Variants in ROBO1 observed in about 807,000 individuals in gnomAD.
ROBO1 encodes roundabout homolog 1.
Under a neutral mutation model 195.9 loss-of-function variants are expected in ROBO1, and 149 were observed. The ratio of observed to expected loss-of-function variants is 0.76; its 90% CI spans 0.67 to 0.87. The LOEUF (loss-of-function observed/expected upper bound fraction) is 0.87, where lower values mean the gene tolerates loss of function less well. Among genes scored for constraint, ROBO1 ranks in the 40% least tolerant of loss-of-function variants. The pLI is 0.00. For synonymous variants in ROBO1, 816 were observed against 733.2 expected (o/e 1.11, Z -1.82); for missense variants, 1,933 against 2,068.3 (o/e 0.93, Z 1.27).
chr3:79,044,138 A>AG (rs2078543217), intron 3 of ROBO1, among the ~76,000 whole-genome samples: 2 of 151,792 alleles, frequency 1.3e-5, no homozygotes, highest in East Asian at 3.9e-4. Flanking sequence ...AAAAAAAAAA[A>AG]AAATCGCAAA....
Position 79,326,024 on chromosome 3 carries a change from G to A in ROBO1, c.89-200485C>T, listed in dbSNP as rs568566609. Among the ~76,000 whole-genome samples the A allele has an allele frequency of 3.9e-5, 6 of 152,212 alleles. No individual in the cohort carries two copies. In the East Asian group the frequency reaches 5.8e-4, roughly 15 times the overall value. On this transcript the variant is annotated intron_variant, in intron 2 of 30. Coordinates refer to ENST00000464233, the MANE Select transcript of ROBO1 (RefSeq NM_002941.4). Reference sequence around the variant, plus strand: ...CTGGGTGTGGCCGTCTACTATGGTCGAGGCTGTAGGGGTGAAATAGACCCC... The same window carrying A: ...CTGGGTGTGGCCGTCTACTATGGTCAAGGCTGTAGGGGTGAAATAGACCCC...
chr3:78,656,437 G>A (rs981919619), intron 18 of ROBO1, among the ~76,000 whole-genome samples: 5 of 141,720 alleles, frequency 3.5e-5, no homozygotes, highest in South Asian at 2.3e-4. Context: ...TGCAAGCTCC[G>A]CCTCCCAGGT....
chr3:78,836,512 C>CAAAAAAAAAAAAA (rs370559968), intron 4 of ROBO1, among the ~76,000 whole-genome samples: 1 of 122,398 alleles, frequency 8.2e-6, no homozygotes, highest in African/African-American at 3.3e-5. Context: ...ACTCTGTCTC[C>CAAAAAAAAAAAAA]AAAAAAAAAA....
chr3:79,181,130 A>C (rs1246656308), intron 2 of ROBO1, among the ~76,000 whole-genome samples: 1 of 152,074 alleles, frequency 6.6e-6, no homozygotes, highest in Non-Finnish European at 1.5e-5. Flanking sequence ...CCAGAATATA[A>C]ATATGTTTAG....
At chr3:79,194,069 A>G (rs1474278731) in intron 2 of ROBO1, among the ~76,000 whole-genome samples, 1 of 151,672 alleles carries the variant, frequency 6.6e-6, no homozygotes, top group Non-Finnish European at 1.5e-5. Flanking sequence ...CCATTTCCTA[A>G]ATAAATACGT....
At chr3:79,101,693 T>C (rs1459440669) in intron 3 of ROBO1, among the ~76,000 whole-genome samples, 1 of 151,924 alleles carries the variant, frequency 6.6e-6, no homozygotes, top group Non-Finnish European at 1.5e-5. Context: ...TGAAGTTGGA[T>C]AGCTATAAAT....
In ROBO1 at chr3:79,551,938, G is replaced by A. The variant is rs1942527513; in HGVS notation, c.88+37886C>T. 5.0e-5 allele frequency among the ~76,000 whole-genome samples: 6 copies of A among 119,078 alleles called. No individual in the cohort carries two copies. The South Asian group carries it at 1.7e-3, about 34-fold the overall frequency. 78.1% of individuals were successfully genotyped at this position (119,078 alleles called of 152,430 possible). A position where few individuals can be genotyped will look rare whatever the true frequency, so the allele number is the denominator to read the frequency against. On this transcript the variant is annotated intron_variant, in intron 2 of 30. Transcript: ENST00000464233. ...TTAAGGATGACAGTATAAGAATAAT[G>A]GAGACCTCTTCAGCTCCTGTCCTTT...
At chr3:78,716,590 G>A (rs1406554870) in intron 7 of ROBO1, among the ~76,000 whole-genome samples, 4 of 152,184 alleles carry the variant, frequency 2.6e-5, no homozygotes, top group Non-Finnish European at 5.9e-5. Flanking sequence ...ATATCAGCTT[G>A]ATATTGTTAT....
intron 3 of ROBO1, among the ~76,000 whole-genome samples, chr3:78,981,788 A>AACACACACACACACACAC (rs375186931): frequency 8.7e-4 from 122 of 140,756 alleles, no homozygotes; most frequent in African/African-American, 3.1e-3. Context: ...GGCCCCTGCC[A>AACACACACACACACACAC]ACACACACAC....
chr3:78,946,381 G>A (rs1278968562), intron 3 of ROBO1, among the ~76,000 whole-genome samples: 1 of 152,142 alleles, frequency 6.6e-6, no homozygotes, highest in Non-Finnish European at 1.5e-5. Flanking sequence ...CATTCTTAAA[G>A]AAAAGAATTT....
chr3:79,444,225 C>T (rs1401422370), intron 2 of ROBO1, among the ~76,000 whole-genome samples: 1 of 151,862 alleles, frequency 6.6e-6, no homozygotes. Context: ...TGAGAGAAGA[C>T]ATTACAGGCA....
chr3:78,704,351 C>T (rs1009639027), intron 8 of ROBO1, among the ~76,000 whole-genome samples: 1 of 151,996 alleles, frequency 6.6e-6, no homozygotes, highest in Non-Finnish European at 1.5e-5. Flanking sequence ...CCAAAAAATC[C>T]TATGGATCTC....
intron 4 of ROBO1, among the ~76,000 whole-genome samples, chr3:78,855,241 T>C (rs895134301): frequency 5.9e-5 from 9 of 152,192 alleles, no homozygotes; most frequent in African/African-American, 9.6e-5. Flanking sequence ...TCTGCATTTG[T>C]AGTTCGACTA....
At chr3:79,470,366 C>T (rs2107315324) in intron 2 of ROBO1, among the ~76,000 whole-genome samples, 1 of 152,202 alleles carries the variant, frequency 6.6e-6, no homozygotes, top group South Asian at 2.1e-4. Context: ...ACAATGAGAA[C>T]ACCTGGACAC....
At chr3:79,176,061 A>G (rs1432202861) in intron 2 of ROBO1, among the ~76,000 whole-genome samples, 1 of 152,154 alleles carries the variant, frequency 6.6e-6, no homozygotes, top group Non-Finnish European at 1.5e-5. Context: ...GTTTATATCT[A>G]AAGAACAGTG....
chr3:78,997,680 C>A (rs187238940), intron 3 of ROBO1, among the ~76,000 whole-genome samples: 1 of 152,122 alleles, frequency 6.6e-6, no homozygotes, highest in Admixed American at 6.6e-5. Flanking sequence ...ATGTACAGAA[C>A]ACCACAGTAG....
At position 78,645,649 on chromosome 3, in the gene ROBO1, T is replaced by C. The variant is rs925244051; in HGVS notation, c.2882+499A>G. On this transcript the variant is annotated intron_variant, in intron 21 of 30. Transcript: ENST00000464233. ...TCAATTAGAGGAGGGAAAACATTCT[T>C]TGTTAACAAGTTACCCAGATTTCCT... Among the ~76,000 whole-genome samples the C allele has an allele frequency of 8.5e-5, 13 of 152,234 alleles. 1 individual carries two copies. In the South Asian group the frequency reaches 2.7e-3, roughly 32 times the overall value.
chr3:79,125,776 C>T (rs1203218713), intron 2 of ROBO1, among the ~76,000 whole-genome samples: 2 of 152,178 alleles, frequency 1.3e-5, no homozygotes, highest in African/African-American at 4.8e-5. Flanking sequence ...ATTCTCTGCC[C>T]TGCCTGCACC....
At chr3:79,096,659 CAT>C (rs1026404843) in intron 3 of ROBO1, among the ~76,000 whole-genome samples, 2 of 150,142 alleles carry the variant, frequency 1.3e-5, no homozygotes, top group African/African-American at 2.4e-5. Flanking sequence ...ACTAGACAAT[CAT>C]ATATGTGTAT....
Sources: allele counts gnomAD v4.1 joint callset (sites outside exome capture counted in the v4.1 genomes callset), GRCh38; gene constraint gnomAD v4.1.1; transcripts MANE v1.5; gene names NCBI Gene and HGNC (gene_info 2026-07-23, HGNC 2026-07-21).